The following LDLRAD2 variants were observed in gnomAD, a reference collection of about 807,000 sequenced individuals.
The protein encoded by LDLRAD2 is low density lipoprotein receptor class A domain containing 2.
A neutral mutation model predicts 24.9 loss-of-function variants in LDLRAD2; 25 were observed. The ratio of observed to expected loss-of-function variants is 1.00; its 90% CI spans 0.73 to 1.40. The LOEUF (loss-of-function observed/expected upper bound fraction) is 1.40. Among genes scored for constraint, LDLRAD2 ranks in the 40% most tolerant of loss-of-function variants. LDLRAD2 has a pLI of 0.00. For synonymous variants in LDLRAD2, 182 were observed against 166.7 expected (o/e 1.09, Z -0.71); for missense variants, 391 against 366.2 (o/e 1.07, Z -0.55).
intron 3 of LDLRAD2, among the ~76,000 whole-genome samples, chr1:21,819,482 T>C (rs925852825): frequency 6.7e-6 from 1 of 149,952 alleles, no homozygotes; most frequent in African/African-American, 2.5e-5. Flanking sequence ...TCTTTATAAA[T>C]TACCTTTATA....
At chr1:21,818,036 T>G (rs950211808) in intron 3 of LDLRAD2, among the ~76,000 whole-genome samples, 1 of 150,900 alleles carries the variant, frequency 6.6e-6, no homozygotes. Flanking sequence ...ACCACCACGC[T>G]CAGCTAATTT....
intron 4 of LDLRAD2, 154 bp from the exon 5 acceptor site, chr1:21,822,048 T>G (rs1261028210): frequency 2.7e-6 from 4 of 1,478,660 alleles, no homozygotes; most frequent in East Asian, 4.8e-5. Flanking sequence ...TGTCTGATGT[T>G]GGACAGGCCC....
chr1:21,823,755 C>G lies in LDLRAD2; in HGVS notation c.*1540C>G, dbSNP rs541223186. ...ACTGGGTCAGGCCCCTTTCCACAAACTTCCTGGTCCTCCCCGGCCCCACGA... is the reference window on the plus strand; with the variant it reads ...ACTGGGTCAGGCCCCTTTCCACAAAGTTCCTGGTCCTCCCCGGCCCCACGA... On this transcript the variant is annotated 3_prime_UTR_variant, in exon 5 of 5. Coordinates refer to ENST00000344642, the MANE Select transcript of LDLRAD2 (RefSeq NM_001013693.3). 21 of 1,540,042 alleles carry G rather than the reference C, an allele frequency of 1.4e-5. No individual in the cohort carries two copies. The South Asian group carries it at 2.3e-4, about 17-fold the overall frequency.
intron 3 of LDLRAD2, among the ~76,000 whole-genome samples, chr1:21,818,120 A>T (rs985546803): frequency 8.1e-5 from 3 of 36,852 alleles, no homozygotes; most frequent in African/African-American, 4.1e-4. Context: ...CAAGTGATCC[A>T]CCCGCCTTGG....
intron 3 of LDLRAD2, among the ~76,000 whole-genome samples, chr1:21,818,488 T>C (rs1416035680): frequency 1.3e-5 from 2 of 152,196 alleles, no homozygotes; most frequent in Non-Finnish European, 2.9e-5. Context: ...AGACTAGAGT[T>C]ACAGTTCACA....
rs530657195 is a variant in LDLRAD2 at position 21,824,457 on chromosome 1, TC to T, written c.*2248del. ...GAGGCCAGGGGGCTCTGCTTTCCCC[TC>T]CCCCCACCACTCCGGCCACCAGGAA... is the stretch of plus-strand genomic sequence containing the variant. On this transcript the variant is annotated 3_prime_UTR_variant, in exon 5 of 5. Coordinates refer to ENST00000344642, the MANE Select transcript of LDLRAD2 (RefSeq NM_001013693.3). This position sits in a 1 kb window ranked among gnomAD's most constrained non-coding sequence, Gnocchi z 5.9. 1.1e-3 allele frequency: 1,688 copies of T among 1,593,268 alleles called. 4 individuals are homozygous for T. The highest frequency in any genetic ancestry group is 2.0e-3 in the South Asian group (180 of 90,674).
chr1:21,822,113 A>G, intron 4 of LDLRAD2, 89 bp from the exon 5 acceptor site: 3 of 1,610,820 alleles, frequency 1.9e-6, no homozygotes, highest in Non-Finnish European at 2.5e-6. Flanking sequence ...TTCCTGCCTC[A>G]CAGGGTTGGG....
chr1:21,814,207 GAATTA>G (rs1228831046), intron 1 of LDLRAD2, among the ~76,000 whole-genome samples, 186 bp from the exon 2 acceptor site: 2 of 152,162 alleles, frequency 1.3e-5, no homozygotes, highest in African/African-American at 4.8e-5. Context: ...TTGTAGATTT[GAATTA>G]AATTAAATTA....
intron 3 of LDLRAD2, among the ~76,000 whole-genome samples, chr1:21,818,960 G>GAGA (rs1187220420): frequency 6.9e-6 from 1 of 145,598 alleles, no homozygotes; most frequent in Non-Finnish European, 1.5e-5. Flanking sequence ...GCTTTGTTCT[G>GAGA]GCCTTTGCAG....
At position 21,821,597 on chromosome 1, in the gene LDLRAD2, A is replaced by G. The variant is rs2097951987; in HGVS notation, c.791A>G (p.Asp264Gly). The change falls in exon 4 of 5, where the codon GAC becomes GGC. Residue 264 changes from aspartate (D) to glycine (G), a missense_variant. Physicochemically the swap from Asp to Gly is moderately conservative, Grantham distance 94. Transcript: ENST00000344642. Reference sequence around the variant, plus strand: ...GCAGGCAGGGACCCCACGAGACAAGACGCAGCTTTGGAAGGTTACACCTTG... The same window carrying G: ...GCAGGCAGGGACCCCACGAGACAAGGCGCAGCTTTGGAAGGTTACACCTTG... ...SPAGRDPTRQDAALEGSTE is the reference protein window; with the variant it reads ...SPAGRDPTRQGAALEGSTE 7.4e-6 allele frequency: 12 copies of G among 1,613,846 alleles called. No individual in the cohort carries two copies. In the East Asian group the frequency reaches 2.7e-4, roughly 36 times the overall value.
intron 3 of LDLRAD2, among the ~76,000 whole-genome samples, chr1:21,816,747 T>TA (rs1213631957): frequency 1.3e-5 from 2 of 152,088 alleles, no homozygotes; most frequent in Non-Finnish European, 2.9e-5. Context: ...CCCACACACT[T>TA]ACCTTCCCCA....
Position 21,814,781 on chromosome 1 carries a change from C to A in LDLRAD2, c.469C>A (p.Pro157Thr), listed in dbSNP as rs115649468. 1,440 of 1,481,928 alleles carry A rather than the reference C, an allele frequency of 9.7e-4. 8 individuals are homozygous for A. The South Asian group carries it at 9.8e-3, about 10-fold the overall frequency. 91.8% of individuals were successfully genotyped at this position (1,481,928 alleles called of 1,614,324 possible). ...GLRLVTRGRQ[P>T]RVDFVGEVTS... ...GCGCCTGGTCACGAGAGGCCGCCAGCCCCGCGTGGACTTCGTGGGCGAAGT... is the reference window on the plus strand; with the variant it reads ...GCGCCTGGTCACGAGAGGCCGCCAGACCCGCGTGGACTTCGTGGGCGAAGT... The change falls in exon 2 of 5, where the codon CCC becomes ACC. Residue 157 changes from proline (P) to threonine (T), a missense_variant. Transcript: ENST00000344642.
chr1:21,815,713 G>A (rs2097943208), intron 2 of LDLRAD2, among the ~76,000 whole-genome samples: 1 of 152,232 alleles, frequency 6.6e-6, no homozygotes, highest in Non-Finnish European at 1.5e-5. Flanking sequence ...CAATGGGCCA[G>A]GATGTGTAGT....
In LDLRAD2 at chr1:21,821,380, T is replaced by C. The variant is rs191391732; in HGVS notation, c.644-70T>C. 1.2e-3 allele frequency: 1,863 copies of C among 1,588,084 alleles called. 8 individuals carry two copies. The highest frequency in any genetic ancestry group is 1.0e-3 in the Non-Finnish European group (1,186 of 1,161,332). ...CAAACTCAGGGAAGTCTTGTGAGGA[T>C]TGAATGAAACACACAAGTGTCCCAG... On this transcript the variant is annotated intron_variant, in intron 3 of 4. Transcript: ENST00000344642.
intron 3 of LDLRAD2, among the ~76,000 whole-genome samples, chr1:21,821,090 G>A (rs1019405665): frequency 6.6e-6 from 1 of 152,154 alleles, no homozygotes; most frequent in Non-Finnish European, 1.5e-5. Context: ...CCAGCTACTC[G>A]GGAGGCTGAG....
Position 21,825,055 on chromosome 1 carries a change from G to A in LDLRAD2, c.*2840G>A. ...AACCAAAGTAGCAGTGGTAGGACCT[G>A]CAACTTTGTTACTAGTATTTGCTTA... is the stretch of plus-strand genomic sequence containing the variant. On this transcript the variant is annotated 3_prime_UTR_variant, in exon 5 of 5. Transcript: ENST00000344642. 2.0e-6 allele frequency: 1 copy of A among 502,222 alleles called. No homozygotes were observed. Among genetic ancestry groups the A allele is most frequent in the Non-Finnish European group, 3.7e-6 (1 of 273,886 alleles). The allele number at this position is 502,222 out of a possible 1,614,324, so 31.1% of individuals were successfully genotyped here.
chr1:21,820,271 C>T (rs1295872904), intron 3 of LDLRAD2, among the ~76,000 whole-genome samples: 1 of 152,200 alleles, frequency 6.6e-6, no homozygotes, highest in Non-Finnish European at 1.5e-5. Flanking sequence ...CGCGGTGGCT[C>T]ACGCCTGTAA....
rs1572105907 is a variant in LDLRAD2 at position 21,812,321 on chromosome 1, G to A, written c.-131G>A. On this transcript the variant is annotated 5_prime_UTR_variant, in exon 1 of 5. Transcript: ENST00000344642. ...AGCACTAAGATCATAGTGAAGACTT[G>A]CCTCCCCCTTCTCCTTGTGTCCCAC... 1.5e-6 allele frequency: 1 copy of A among 651,052 alleles called. No homozygotes were observed. Among genetic ancestry groups the A allele is most frequent in the Non-Finnish European group, 2.8e-6 (1 of 362,894 alleles). 40.3% of individuals were successfully genotyped at this position (651,052 alleles called of 1,614,324 possible).
intron 3 of LDLRAD2, among the ~76,000 whole-genome samples, chr1:21,817,489 C>A (rs1481931280): frequency 1.3e-5 from 2 of 152,088 alleles, no homozygotes; most frequent in Non-Finnish European, 2.9e-5. Flanking sequence ...ACCACACATG[C>A]ACCACCATGC....
Sources: gnomAD v4.1 joint callset for allele counts (sites outside exome capture counted in the v4.1 genomes callset) on GRCh38, gnomAD v4.1.1 for gene constraint, Gnocchi (gnomAD v3.1) non-coding constraint, MANE v1.5 for transcripts, NCBI Gene and HGNC (gene_info 2026-07-23, HGNC 2026-07-21) for gene names.